Variants in NELL1 observed in about 807,000 individuals in gnomAD.
NELL1 encodes the protein neural EGFL like 1, also known as protein kinase C-binding protein NELL1.
In NELL1, 76 loss-of-function variants were observed where a neutral mutation model predicts 107.4. The observed-to-expected ratio is 0.71, with a 90% CI of 0.59 to 0.86. The LOEUF is 0.86. Ranked by LOEUF, NELL1 falls within the 40% of genes least tolerant of loss-of-function variation. NELL1 has a pLI of 0.00. For synonymous variants in NELL1, 353 were observed against 341.2 expected, an observed-to-expected ratio of 1.03 and a Z score of -0.38; for missense variants, 1,024 against 1,005.5, an observed-to-expected ratio of 1.02 and a Z score of -0.25.
chr11:21,248,660 C>G (rs1297771779), intron 14 of NELL1, among the ~76,000 whole-genome samples: 4 of 152,118 alleles, frequency 2.6e-5, no homozygotes, highest in South Asian at 2.1e-4. Flanking sequence ...TTTTGCCACC[C>G]AGCGTTCTTT....
chr11:21,081,826 TACTA>T (rs1854276845), intron 12 of NELL1, among the ~76,000 whole-genome samples: 1 of 152,198 alleles, frequency 6.6e-6, no homozygotes, highest in South Asian at 2.1e-4. Context: ...ATCATGTGAA[TACTA>T]ACTGTGTGTT....
chr11:20,969,052 G>A (rs7935456), intron 12 of NELL1, among the ~76,000 whole-genome samples: 9 of 152,128 alleles, frequency 5.9e-5, no homozygotes, highest in East Asian at 3.9e-4. Flanking sequence ...AATTATAAGC[G>A]TTTTACTTTT....
intron 13 of NELL1, among the ~76,000 whole-genome samples, chr11:21,198,132 T>C (rs1857193598): frequency 6.6e-6 from 1 of 152,190 alleles, no homozygotes; most frequent in South Asian, 2.1e-4. Flanking sequence ...TGGGTTGATA[T>C]TCCTCCAAGG....
chr11:20,882,547 A>T (rs1374661024), intron 4 of NELL1, among the ~76,000 whole-genome samples: 6 of 152,196 alleles, frequency 3.9e-5, no homozygotes, highest in African/African-American at 1.4e-4. Flanking sequence ...GTGTATACTT[A>T]TATATACAAA....
chr11:20,928,359 A>C lies in NELL1; in HGVS notation c.895-18A>C. On this transcript the variant is annotated intron_variant, in intron 8 of 19. Transcript: ENST00000357134. ...AAGGATACTTCTGAGATTATGTTCCATGTCCTTCCTTCCTCAGAGTGGTGC... is the reference window on the plus strand; with the variant it reads ...AAGGATACTTCTGAGATTATGTTCCCTGTCCTTCCTTCCTCAGAGTGGTGC... 6.2e-7 allele frequency: 1 copy of C among 1,602,726 alleles called. No homozygotes were observed. Among genetic ancestry groups the C allele is most frequent in the Non-Finnish European group, 8.5e-7 (1 of 1,169,724 alleles).
intron 2 of NELL1, among the ~76,000 whole-genome samples, chr11:20,758,592 T>A (rs1255127878): frequency 1.3e-5 from 2 of 151,944 alleles, no homozygotes; most frequent in African/African-American, 4.8e-5. Flanking sequence ...TCCCTCAGAG[T>A]TATTGTAGAG....
chr11:21,047,558 T>C (rs1013373590), intron 12 of NELL1, among the ~76,000 whole-genome samples: 12 of 152,166 alleles, frequency 7.9e-5, no homozygotes, highest in African/African-American at 2.9e-4. Context: ...TATTTAACAT[T>C]TCAGATGTAC....
chr11:21,165,148 C>T (rs1384043817), intron 13 of NELL1, among the ~76,000 whole-genome samples: 7 of 152,200 alleles, frequency 4.6e-5, no homozygotes, highest in South Asian at 2.1e-4. Flanking sequence ...TGGTGCCATT[C>T]GCAGAGGAAG....
chr11:21,353,435 T>G (rs1264447092), intron 14 of NELL1, among the ~76,000 whole-genome samples: 1 of 152,152 alleles, frequency 6.6e-6, no homozygotes, highest in Admixed American at 6.5e-5. Flanking sequence ...AAATCCAGAT[T>G]TGTCTGTTTT....
At chr11:21,508,531 G>A (rs1255495929) in intron 15 of NELL1, among the ~76,000 whole-genome samples, 2 of 152,048 alleles carry the variant, frequency 1.3e-5, no homozygotes, top group African/African-American at 4.8e-5. Context: ...AATATAAACA[G>A]CTACGAAACT....
At chr11:21,019,117 T>C (rs750358128) in intron 12 of NELL1, among the ~76,000 whole-genome samples, 1 of 152,144 alleles carries the variant, frequency 6.6e-6, no homozygotes, top group African/African-American at 2.4e-5. Flanking sequence ...ACTAGCTTTG[T>C]GATTTTGGAC....
At chr11:21,166,877 A>G (rs1012287888) in intron 13 of NELL1, among the ~76,000 whole-genome samples, 2 of 151,948 alleles carry the variant, frequency 1.3e-5, no homozygotes, top group African/African-American at 2.4e-5. Flanking sequence ...TGACATTTAG[A>G]GTAATTCAAA....
At chr11:21,090,850 A>G (rs1854504710) in intron 12 of NELL1, among the ~76,000 whole-genome samples, 1 of 152,202 alleles carries the variant, frequency 6.6e-6, no homozygotes, top group African/African-American at 2.4e-5. Context: ...ATTATTGGAT[A>G]TAATCTCTTT....
chr11:21,168,744 C>T (rs1435344467), intron 13 of NELL1, among the ~76,000 whole-genome samples: 2 of 151,636 alleles, frequency 1.3e-5, no homozygotes, highest in Non-Finnish European at 2.9e-5. Context: ...AGTTTTTTTT[C>T]CCCCAGGTGC....
chr11:21,431,425 T>A (rs916900603), intron 15 of NELL1, among the ~76,000 whole-genome samples: 8 of 152,172 alleles, frequency 5.3e-5, no homozygotes, highest in Non-Finnish European at 1.0e-4. Context: ...TTTGTTTTGT[T>A]CACTAATATT....
intron 3 of NELL1, among the ~76,000 whole-genome samples, chr11:20,815,176 T>G (rs1394009425): frequency 6.6e-6 from 1 of 152,132 alleles, no homozygotes; most frequent in African/African-American, 2.4e-5. Context: ...GTGATTCTCC[T>G]GCCTCAGCCT....
chr11:21,156,717 A>T (rs1856244481), intron 13 of NELL1, among the ~76,000 whole-genome samples: 1 of 152,132 alleles, frequency 6.6e-6, no homozygotes, highest in African/African-American at 2.4e-5. Context: ...TACATTAGTC[A>T]GCAGGTCATT....
intron 12 of NELL1, among the ~76,000 whole-genome samples, chr11:20,960,903 A>C (rs561238474): frequency 6.6e-6 from 1 of 152,330 alleles, no homozygotes; most frequent in South Asian, 2.1e-4. Flanking sequence ...TGCCATCTTC[A>C]TATTTAATTA....
chr11:20,786,874 G>A (rs1041187184), intron 3 of NELL1, among the ~76,000 whole-genome samples: 1 of 151,598 alleles, frequency 6.6e-6, no homozygotes, highest in African/African-American at 2.4e-5. Flanking sequence ...CGGGCATGGT[G>A]GCGGGCGCCT....
Sources: allele counts gnomAD v4.1 joint callset (sites outside exome capture counted in the v4.1 genomes callset), GRCh38; gene constraint gnomAD v4.1.1; transcripts MANE v1.5; gene names NCBI Gene and HGNC (gene_info 2026-07-23, HGNC 2026-07-21).